CRYBG2: variants seen among roughly 807,000 people sequenced by gnomAD.
The protein encoded by CRYBG2 is crystallin beta-gamma domain containing 2.
In CRYBG2, 106 loss-of-function variants were observed where a neutral mutation model predicts 153.4. The observed-to-expected ratio is 0.69, with a 90% CI of 0.59 to 0.81. The LOEUF (loss-of-function observed/expected upper bound fraction) is 0.81, where lower values mean the gene tolerates loss of function less well. CRYBG2 is among the 30% of genes least tolerant of loss of function. The pLI is 0.00. For synonymous variants in CRYBG2, 851 were observed against 877.8 expected (o/e 0.97, Z 0.54); for missense variants, 1,996 against 2,112.0 (o/e 0.95, Z 1.08).
chr1:26,345,441 G>A lies in CRYBG2; in HGVS notation c.1217C>T (p.Pro406Leu), dbSNP rs1365712647. The change falls in exon 2 of 20, where the codon CCC (proline) becomes CTC (leucine). Residue 406 changes from proline (P) to leucine (L), a missense_variant. Pro to Leu is a moderately conservative substitution (Grantham distance 98). Coordinates refer to ENST00000308182, the MANE Select transcript of CRYBG2 (RefSeq NM_001039775.4). Reference protein sequence around the residue: ...PVDPPAATVLPMVRSEHVTVP... With the variant: ...PVDPPAATVLLMVRSEHVTVP... ...TGTCACATGCTCGCTCCTCACCATG[G>A]GCAGGACGGTGGCAGCAGGGGGGTC... 6.2e-7 allele frequency: 1 copy of A among 1,604,478 alleles called. No homozygotes were observed. Among genetic ancestry groups the A allele is most frequent in the East Asian group, 2.2e-5 (1 of 44,750 alleles).
chr1:26,342,793 C>T lies in CRYBG2; in HGVS notation c.3165G>A (p.Trp1055Ter), dbSNP rs1034338415. Residue 1055 changes from tryptophan to a stop codon, truncating the protein, a stop_gained, in exon 5 of 20, where the codon TGG becomes TGA. Coordinates refer to ENST00000308182, the MANE Select transcript of CRYBG2 (RefSeq NM_001039775.4). LOFTEE classifies it high-confidence loss of function. ...TTAGGGAGCCGATGCCTTGGGGACTCCACTTTGTCCCTGGGGTTCTGAGTT... is the reference window on the plus strand; with the variant it reads ...TTAGGGAGCCGATGCCTTGGGGACTTCACTTTGTCCCTGGGGTTCTGAGTT... ...DMELRTPGTK[W>*]SPQGIGSLRR... 6.2e-7 allele frequency: 1 copy of T among 1,614,042 alleles called. No individual in the cohort carries two copies. The highest frequency in any genetic ancestry group is 8.5e-7 in the Non-Finnish European group (1 of 1,179,952).
Position 26,344,353 on chromosome 1 carries a change from C to T in CRYBG2, c.2305G>A (p.Asp769Asn). Residue 769 changes from aspartate to asparagine, a missense_variant, in exon 2 of 20, where the codon GAT (aspartate) becomes AAT (asparagine). Asp to Asn is a conservative substitution (Grantham distance 23). Transcript: ENST00000308182. ...ALAADLEIFL[D>N]TLRSMEPPEI... ...GGGGGCTCCATGCTCCGCAGCGTAT[C>T]CAGGAATATCTCCAGGTCAGCGGCC... The T allele has an allele frequency of 6.6e-7, 1 of 1,507,500 alleles. No individual in the cohort carries two copies. Among genetic ancestry groups the T allele is most frequent in the Non-Finnish European group, 8.9e-7 (1 of 1,125,292 alleles). The allele number at this position is 1,507,500 out of a possible 1,614,324, so 93.4% of individuals were successfully genotyped here. A position where few individuals can be genotyped will look rare whatever the true frequency, so the allele number is the denominator to read the frequency against.
intron 14 of CRYBG2, among the ~76,000 whole-genome samples, chr1:26,333,096 A>G (rs973006515): frequency 6.4e-5 from 9 of 139,950 alleles, no homozygotes; most frequent in Non-Finnish European, 1.2e-4. Flanking sequence ...AGGGACAGAG[A>G]TGAAAGCTGT....
intron 1 of CRYBG2, among the ~76,000 whole-genome samples, chr1:26,352,008 C>T (rs1170327479): frequency 6.6e-6 from 1 of 151,858 alleles, no homozygotes; most frequent in Admixed American, 6.6e-5. Flanking sequence ...CTGTGACCTC[C>T]AAACAAGGCG....
In CRYBG2 at chr1:26,346,357, ACTT is replaced by A. The variant is rs1246015828; in HGVS notation, c.298_300del (p.Lys100del). The A allele has an allele frequency of 6.3e-7, 1 of 1,599,160 alleles. No homozygotes were observed. The highest frequency in any genetic ancestry group is 1.3e-5 in the African/African-American group (1 of 74,844). On this transcript the variant is annotated inframe_deletion, in exon 2 of 20. Coordinates refer to ENST00000308182, the MANE Select transcript of CRYBG2 (RefSeq NM_001039775.4). The surrounding 1 kb of genome is among the most constrained non-coding windows in gnomAD (Gnocchi z 4.9). ...CTTTTCTCCTTGGGAGGTGGTATGT[ACTT>A]CTTGGAAAAGATGGGTCCATGGCTC...
chr1:26,342,477 G>A (rs1410820497), intron 5 of CRYBG2, among the ~76,000 whole-genome samples: 1 of 152,124 alleles, frequency 6.6e-6, no homozygotes, highest in Non-Finnish European at 1.5e-5. Flanking sequence ...CAGGCTTACT[G>A]CAACCTCTGC....
Position 26,322,307 on chromosome 1 carries a change from C to A in CRYBG2, c.4754G>T (p.Ser1585Ile). 1 of 1,612,488 alleles carries A rather than the reference C, an allele frequency of 6.2e-7. No homozygotes were observed. Among genetic ancestry groups the A allele is most frequent in the Non-Finnish European group, 8.5e-7 (1 of 1,179,274 alleles). The part of the protein sequence containing the change: ...LLKNQMAPTM[S>I]LQVIGPPSPG... Reference sequence around the variant, plus strand: ...GCTAGGGGGTCCAATCACCTGTAGGCTCATGGTGGGGGCCATCTGAGGCCC... The same window carrying A: ...GCTAGGGGGTCCAATCACCTGTAGGATCATGGTGGGGGCCATCTGAGGCCC... Residue 1585 changes from serine (S) to isoleucine (I), a missense_variant, in exon 19 of 20, where the codon AGC becomes ATC. Transcript: ENST00000308182.
In CRYBG2 at chr1:26,338,386, C is replaced by G; in HGVS notation, c.3436G>C (p.Asp1146His). The G allele has an allele frequency of 1.2e-6, 2 of 1,612,554 alleles. No individual in the cohort carries two copies. Among genetic ancestry groups the G allele is most frequent in the Non-Finnish European group, 1.7e-6 (2 of 1,179,440 alleles). The change falls in exon 7 of 20, where the codon GAC (aspartate) becomes CAC (histidine). Residue 1146 changes from aspartate (D) to histidine (H), a missense_variant. Physicochemically the swap from Asp to His is moderately conservative, Grantham distance 81. Transcript: ENST00000308182. Reference sequence around the variant, plus strand: ...GGCTTCAGGGAGCCCACGCTGGGGTCCGATGTGCCCCAGGCCTCTGAGGTG... The same window carrying G: ...GGCTTCAGGGAGCCCACGCTGGGGTGCGATGTGCCCCAGGCCTCTGAGGTG... ...YPTSEAWGTS[D>H]PSVGSLKPMR...
rs990284442 is a variant in CRYBG2 at position 26,339,356 on chromosome 1, G to A, written c.3278C>T (p.Ala1093Val). 1 of 1,614,088 alleles carries A rather than the reference G, an allele frequency of 6.2e-7. No homozygotes were observed. Among genetic ancestry groups the A allele is most frequent in the Admixed American group, 1.7e-5 (1 of 60,002 alleles). ...CTCCAGACCCTGGGAATTCTTCAAG[G>A]CCTCTGTTAGCTTCACTTGCTCCCC... ...LKGEQVKLTE[A>V]LKNSQGLEKP... The change falls in exon 6 of 20, where the codon GCC becomes GTC. Residue 1093 changes from alanine (A) to valine (V), a missense_variant. Physicochemically the swap from Ala to Val is moderately conservative, Grantham distance 64. Transcript: ENST00000308182.
At position 26,345,183 on chromosome 1, in the gene CRYBG2, G is replaced by T. The variant is rs986666773; in HGVS notation, c.1475C>A (p.Pro492His). 7.0e-7 allele frequency: 1 copy of T among 1,425,782 alleles called. No individual in the cohort carries two copies. The highest frequency in any genetic ancestry group is 2.0e-5 in the Admixed American group (1 of 50,302). 88.3% of individuals were successfully genotyped at this position (1,425,782 alleles called of 1,614,324 possible). The change falls in exon 2 of 20, where the codon CCC becomes CAC. Residue 492 changes from proline (P) to histidine (H), a missense_variant. Physicochemically the swap from Pro to His is moderately conservative, Grantham distance 77. Coordinates refer to ENST00000308182, the MANE Select transcript of CRYBG2 (RefSeq NM_001039775.4). Reference sequence around the variant, plus strand: ...GCCCTTCACGACCTCTTTCCAGGTGGGGGACGAGGCAGCAGAAGCACTGGA... The same window carrying T: ...GCCCTTCACGACCTCTTTCCAGGTGTGGGACGAGGCAGCAGAAGCACTGGA... The part of the protein sequence containing the change: ...QGSSASAASS[P>H]TWKEVVKGPG...
rs752993486 is a variant in CRYBG2, at chr1:26,336,808, G to A, written c.3911+33C>T. Reference sequence around the variant, plus strand: ...CTGGAACCGCCCCCGGCTCGCCCGGGCCCGCCCCGCTCCCGGAGCCCGGGT... The same window carrying A: ...CTGGAACCGCCCCCGGCTCGCCCGGACCCGCCCCGCTCCCGGAGCCCGGGT... On this transcript the variant is annotated intron_variant, in intron 11 of 19. Transcript: ENST00000308182. The surrounding 1 kb of genome is among the most constrained non-coding windows in gnomAD (Gnocchi z 4.9). 36 of 1,551,016 alleles carry A rather than the reference G, an allele frequency of 2.3e-5. No homozygotes were observed. Among genetic ancestry groups the A allele is most frequent in the Non-Finnish European group, 2.8e-5 (32 of 1,150,892 alleles).
intron 6 of CRYBG2, 135 bp downstream of exon 6, chr1:26,339,155 G>T: frequency 8.9e-7 from 1 of 1,120,238 alleles, no homozygotes; most frequent in African/African-American, 1.6e-5. Context: ...AATTGCTATT[G>T]TCTGCTTACT....
intron 18 of CRYBG2, 59 bp downstream of exon 18, chr1:26,324,093 G>C (rs2073891579): frequency 6.4e-7 from 1 of 1,568,428 alleles, no homozygotes; most frequent in Non-Finnish European, 8.7e-7. Context: ...GGACTCCCCA[G>C]AGTGGACCTG....
chr1:26,344,323 T>A lies in CRYBG2; in HGVS notation c.2335A>T (p.Ile779Phe). Residue 779 changes from isoleucine to phenylalanine, a missense_variant, in exon 2 of 20, where the codon ATC becomes TTC. Physicochemically the swap from Ile to Phe is conservative, Grantham distance 21. Coordinates refer to ENST00000308182, the MANE Select transcript of CRYBG2 (RefSeq NM_001039775.4). ...DTLRSMEPPE[I>F]LRTHRLPRAP... Reference sequence around the variant, plus strand: ...CGTGGCAGCCGGTGAGTGCGGAGGATCTCAGGGGGCTCCATGCTCCGCAGC... The same window carrying A: ...CGTGGCAGCCGGTGAGTGCGGAGGAACTCAGGGGGCTCCATGCTCCGCAGC... 6.6e-7 allele frequency: 1 copy of A among 1,504,090 alleles called. No homozygotes were observed. The highest frequency in any genetic ancestry group is 8.9e-7 in the Non-Finnish European group (1 of 1,125,012). The allele number at this position is 1,504,090 out of a possible 1,614,324, so 93.2% of individuals were successfully genotyped here.
chr1:26,351,823 T>C (rs1359193449), intron 1 of CRYBG2, among the ~76,000 whole-genome samples: 1 of 152,150 alleles, frequency 6.6e-6, no homozygotes, highest in East Asian at 1.9e-4. Context: ...TAGAATGTCC[T>C]TCAGACTCTG....
At position 26,339,975 on chromosome 1, in the gene CRYBG2, G is replaced by A. The variant is rs74061114; in HGVS notation, c.3205-546C>T. On this transcript the variant is annotated intron_variant, in intron 5 of 19. Coordinates refer to ENST00000308182, the MANE Select transcript of CRYBG2 (RefSeq NM_001039775.4). Reference sequence around the variant, plus strand: ...TTTGGGACCTGGGACAGAAGTTCCCGGGAGAACCTGCAAAGTGCCAGGCCC... The same window carrying A: ...TTTGGGACCTGGGACAGAAGTTCCCAGGAGAACCTGCAAAGTGCCAGGCCC... Among the ~76,000 whole-genome samples the A allele has an allele frequency of 6.2e-3, 946 of 152,274 alleles. 6 individuals carry two copies. The highest frequency in any genetic ancestry group is 0.02 in the African/African-American group (846 of 41,542).
In CRYBG2 at chr1:26,345,324, T is replaced by C; in HGVS notation, c.1334A>G (p.Lys445Arg). 6.2e-7 allele frequency: 1 copy of C among 1,613,566 alleles called. No individual in the cohort carries two copies. The highest frequency in any genetic ancestry group is 8.5e-7 in the Non-Finnish European group (1 of 1,179,866). Residue 445 changes from lysine to arginine, a missense_variant, in exon 2 of 20, where the codon AAG (lysine) becomes AGG (arginine). Lys to Arg is a conservative substitution (Grantham distance 26). Coordinates refer to ENST00000308182, the MANE Select transcript of CRYBG2 (RefSeq NM_001039775.4). ...GLSAPSSPRN[K>R]FVQNSENVPV... is the part of the protein sequence containing the mutation. ...GACATTTTCAGAGTTCTGAACAAAC[T>C]TATTCCTTGGGGACGATGGAGCAGA...
Position 26,322,212 on chromosome 1 carries a change from C to T in CRYBG2, c.4849G>A (p.Gly1617Ser). The change falls in exon 19 of 20, where the codon GGC becomes AGC. Residue 1617 changes from glycine (G) to serine (S), a missense_variant. By Grantham distance (56) the Gly-to-Ser change is moderately conservative. Transcript: ENST00000308182. ...TCGAACATCTGGCTGCAGATGTGGC[C>T]CGATTCACTGATGCTCCACGTCTGG... Reference protein sequence around the residue: ...PRQTWSISESGHICSQMFEGQ... With the variant: ...PRQTWSISESSHICSQMFEGQ... 6.2e-7 allele frequency: 1 copy of T among 1,614,216 alleles called. No homozygotes were observed. Among genetic ancestry groups the T allele is most frequent in the African/African-American group, 1.3e-5 (1 of 75,060 alleles).
Position 26,323,346 on chromosome 1 carries a change from A to G in CRYBG2, c.4737+806T>C, listed in dbSNP as rs2073882999. Among the ~76,000 whole-genome samples the G allele has an allele frequency of 2.0e-5, 3 of 151,960 alleles. No homozygotes were observed. The South Asian group carries it at 6.2e-4, about 31-fold the overall frequency. On this transcript the variant is annotated intron_variant, in intron 18 of 19. Transcript: ENST00000308182. ...TCCTCCTGCCTCACTCAGCCTCTCA[A>G]AGTGCTGTGATTACAGGAGTGAGCC...
Sources: allele counts gnomAD v4.1 joint callset (sites outside exome capture counted in the v4.1 genomes callset), GRCh38; gene constraint gnomAD v4.1.1; non-coding constraint Gnocchi (gnomAD v3.1); transcripts MANE v1.5; gene names NCBI Gene and HGNC (gene_info 2026-07-23, HGNC 2026-07-21).